DLL1: variants seen among roughly 807,000 people sequenced by gnomAD.
The protein encoded by DLL1 is delta like canonical Notch ligand 1.
In DLL1, 9 loss-of-function variants were observed where a neutral mutation model predicts 75.1. The observed-to-expected ratio is 0.12, with a 90% confidence interval of 0.07 to 0.21. DLL1 has a LOEUF of 0.21. Ranked by LOEUF, DLL1 falls within the 10% of genes least tolerant of loss-of-function variation. The pLI, the probability that DLL1 is intolerant of heterozygous loss-of-function variation, is 1.00. For missense variants in DLL1, 837 were observed against 1,007.6 expected, an observed-to-expected ratio of 0.83 and a Z score of 2.29; for synonymous variants, 477 against 418.3, an observed-to-expected ratio of 1.14 and a Z score of -1.71.
Position 170,288,568 on chromosome 6 carries a change from C to G in DLL1, c.413-72G>C, listed in dbSNP as rs1783760249. The stretch of plus-strand genomic sequence containing the variant: ...GACTCGGGACAGAGCGGGGGTGGGC[C>G]GAGACATTCAGCACGGGAAGGAGGC... On this transcript the variant is annotated intron_variant, in intron 3 of 10. Coordinates refer to ENST00000366756, the MANE Select transcript of DLL1 (RefSeq NM_005618.4). The G allele has an allele frequency of 2.5e-6, 4 of 1,613,486 alleles. No individual in the cohort carries two copies. The South Asian group carries it at 4.4e-5, about 18-fold the overall frequency.
rs538503998 is a variant in DLL1 at position 170,289,255 on chromosome 6, G to A, written c.351+257C>T. 8.1e-4 allele frequency: 557 copies of A among 688,708 alleles called. 1 individual carries two copies. Among genetic ancestry groups the A allele is most frequent in the Non-Finnish European group, 1.2e-3 (444 of 384,906 alleles). 42.7% of individuals were successfully genotyped at this position (688,708 alleles called of 1,614,324 possible). The stretch of plus-strand genomic sequence containing the variant: ...GAGACCTGGCACAGAGGCCGGATAC[G>A]GAAATCTCCCGGGCGCGCTCGGCCT... On this transcript the variant is annotated intron_variant, in intron 2 of 10. Coordinates refer to ENST00000366756, the MANE Select transcript of DLL1 (RefSeq NM_005618.4).
chr6:170,286,551 C>G (rs1415744991), intron 4 of DLL1, among the ~76,000 whole-genome samples: 3 of 149,326 alleles, frequency 2.0e-5, no homozygotes, highest in African/African-American at 7.3e-5. Context: ...CCCACCCTAT[C>G]CCCTTTTCTT....
At position 170,283,763 on chromosome 6, in the gene DLL1, C is replaced by T. The variant is rs17860716; in HGVS notation, c.1516G>A (p.Glu506Lys). Residue 506 changes from glutamate (E) to lysine (K), a missense_variant, in exon 9 of 11, where the codon GAG (glutamate) becomes AAG (lysine). Coordinates refer to ENST00000366756, the MANE Select transcript of DLL1 (RefSeq NM_005618.4). ...GGACCCCCGTAGCCTCGGGCACACT[C>T]GCACACATAGCGGTGGCCCCTCTCG... ...CHERGHRYVC[E>K]CARGYGGPNC... 1,424 of 1,585,032 alleles carry T rather than the reference C, an allele frequency of 9.0e-4. No individual in the cohort carries two copies. The highest frequency in any genetic ancestry group is 1.2e-3 in the Non-Finnish European group (1,368 of 1,167,694).
At position 170,290,150 on chromosome 6, in the gene DLL1, T is replaced by C. The variant is rs1342453324; in HGVS notation, c.-11A>G. Reference sequence around the variant, plus strand: ...GCACCGACTGCCCATGCTGCTTCGCTCCACGCGCGAGCCTGGGGGGCCCCC... The same window carrying C: ...GCACCGACTGCCCATGCTGCTTCGCCCCACGCGCGAGCCTGGGGGGCCCCC... On this transcript the variant is annotated 5_prime_UTR_variant, in exon 1 of 11. Coordinates refer to ENST00000366756, the MANE Select transcript of DLL1 (RefSeq NM_005618.4). This position sits in a 1 kb window ranked among gnomAD's most constrained non-coding sequence, Gnocchi z 4.7. 1.9e-6 allele frequency: 3 copies of C among 1,592,808 alleles called. No homozygotes were observed. Among genetic ancestry groups the C allele is most frequent in the Non-Finnish European group, 2.5e-6 (3 of 1,177,512 alleles).
chr6:170,283,686 G>A lies in DLL1; in HGVS notation c.1593C>T (p.Asp531=). 6.4e-7 allele frequency: 1 copy of A among 1,564,832 alleles called. No homozygotes were observed. The highest frequency in any genetic ancestry group is 8.7e-7 in the Non-Finnish European group (1 of 1,155,262). ...CCTGGCCCTCTAGCTTCTCAGTGAG[G>A]TCCACCACCGCTGGGCCCGGGGGCA... ...PELPPGPAVV[D]LTEKLEGQGG... The change falls in exon 9 of 11, where the codon GAC becomes GAT. Residue 531 remains aspartate (D), a synonymous_variant. Coordinates refer to ENST00000366756, the MANE Select transcript of DLL1 (RefSeq NM_005618.4).
chr6:170,285,830 T>G (rs913643390), intron 5 of DLL1, 131 bp from the exon 6 acceptor site: 4 of 1,362,834 alleles, frequency 2.9e-6, no homozygotes, highest in Non-Finnish European at 4.1e-6. Flanking sequence ...GAACACTGGG[T>G]CACCTTGGGA....
chr6:170,289,344 G>A lies in DLL1; in HGVS notation c.351+168C>T, dbSNP rs772354619. 3.5e-6 allele frequency: 4 copies of A among 1,143,850 alleles called. No individual in the cohort carries two copies. In the Middle Eastern group the frequency reaches 7.3e-4, roughly 209 times the overall value. 70.9% of individuals were successfully genotyped at this position (1,143,850 alleles called of 1,614,324 possible). ...CGGGGCCCCGGGGCGAGGTGTCCGC[G>A]CTGCTGGGCTGGAGTCCTGGGGCCG... is the stretch of plus-strand genomic sequence containing the variant. On this transcript the variant is annotated intron_variant, in intron 2 of 10. Transcript: ENST00000366756.
At position 170,285,334 on chromosome 6, in the gene DLL1, G is replaced by T; in HGVS notation, c.952C>A (p.Pro318Thr). The change falls in exon 7 of 11, where the codon CCT becomes ACT. Residue 318 changes from proline to threonine, a missense_variant. By Grantham distance (38) the Pro-to-Thr change is conservative (BLOSUM62 -1). Transcript: ENST00000366756. The stretch of plus-strand genomic sequence containing the variant: ...TCGCAGGTGGCACCTGTGTACCCAG[G>T]CCGGCAAGAGCAAGTGTAGCTCCCC... ...GQGSYTCSCR[P>T]GYTGATCELG... 2 of 1,614,180 alleles carry T rather than the reference G, an allele frequency of 1.2e-6. No individual in the cohort carries two copies. Among genetic ancestry groups the T allele is most frequent in the Non-Finnish European group, 1.7e-6 (2 of 1,180,016 alleles).
intron 5 of DLL1, 41 bp downstream of exon 5, chr6:170,286,197 G>A: frequency 6.2e-7 from 1 of 1,613,354 alleles, no homozygotes; most frequent in South Asian, 1.1e-5. Flanking sequence ...AAGATAACAA[G>A]AAAAGGCAAC....
chr6:170,286,612 C>G (rs1412959619), intron 4 of DLL1, among the ~76,000 whole-genome samples: 4 of 150,518 alleles, frequency 2.7e-5, no homozygotes, highest in Non-Finnish European at 5.9e-5. Flanking sequence ...CTTCCCAATT[C>G]TGTGCACAAA....
intron 8 of DLL1, among the ~76,000 whole-genome samples, chr6:170,284,568 G>T (rs1354624768): frequency 6.6e-6 from 1 of 152,166 alleles, no homozygotes; most frequent in Non-Finnish European, 1.5e-5. Flanking sequence ...CAACTACTGT[G>T]CTGGGTGGCC....
rs1783672837 is a variant in DLL1, at chr6:170,285,285, G to A, written c.1001C>T (p.Pro334Leu). Residue 334 changes from proline to leucine, a missense_variant, in exon 7 of 11, where the codon CCC becomes CTC. Transcript: ENST00000366756. ...TCELGIDECD[P>L]SPCKNGGSCT... ...GCTCCCTCCGTTCTTACAAGGGCTG[G>A]GGTCACACTCGTCAATCCCCAGCTC... 1 of 1,614,150 alleles carries A rather than the reference G, an allele frequency of 6.2e-7. No individual in the cohort carries two copies. The highest frequency in any genetic ancestry group is 8.5e-7 in the Non-Finnish European group (1 of 1,180,032).
rs754306571 is a variant in DLL1 at position 170,283,705 on chromosome 6, G to A, written c.1574C>T (p.Pro525Leu). 83 of 1,553,530 alleles carry A rather than the reference G, an allele frequency of 5.3e-5. No individual in the cohort carries two copies. Among genetic ancestry groups the A allele is most frequent in the East Asian group, 1.9e-4 (8 of 42,274 alleles). The stretch of plus-strand genomic sequence containing the variant: ...AGTGAGGTCCACCACCGCTGGGCCC[G>A]GGGGCAGCTCGGGGAGCAGGAACTG... ...NCQFLLPELP[P>L]GPAVVDLTEK... Residue 525 changes from proline to leucine, a missense_variant, in exon 9 of 11, where the codon CCG becomes CTG. Physicochemically the swap from Pro to Leu is moderately conservative, Grantham distance 98. This residue lies in a region of DLL1 where 533 missense variants were observed against 545.7 expected (regional missense o/e 0.98). Coordinates refer to ENST00000366756, the MANE Select transcript of DLL1 (RefSeq NM_005618.4).
chr6:170,284,081 A>C (rs947189487), intron 8 of DLL1, 52 bp from the exon 9 acceptor site: 11 of 1,533,716 alleles, frequency 7.2e-6, no homozygotes, highest in Middle Eastern at 4.6e-4. Flanking sequence ...TTTGTTCACC[A>C]AAAAGTCACT....
rs1783800176 is a variant in DLL1, at chr6:170,289,528, A to T, written c.335T>A (p.Phe112Tyr). Residue 112 changes from phenylalanine to tyrosine, a missense_variant, in exon 2 of 11, where the codon TTC becomes TAC. Physicochemically the swap from Phe to Tyr is conservative, Grantham distance 22. Around this residue, in one of 2 missense-constraint regions of DLL1, gnomAD observed 304 missense variants for 461.9 expected, o/e 0.66. Coordinates refer to ENST00000366756, the MANE Select transcript of DLL1 (RefSeq NM_005618.4). ...SAFSNPIRFPFGFTWPGTFSL... is the reference protein window; with the variant it reads ...SAFSNPIRFPYGFTWPGTFSL... ...GGCACTCACCGGCCAGGTGAAGCCG[A>T]AGGGGAAGCGGATGGGGTTGCTGAA... 1 of 1,534,634 alleles carries T rather than the reference A, an allele frequency of 6.5e-7. No individual in the cohort carries two copies. Among genetic ancestry groups the T allele is most frequent in the Non-Finnish European group, 8.7e-7 (1 of 1,146,322 alleles).
chr6:170,284,823 A>G, intron 8 of DLL1, 96 bp downstream of exon 8: 1 of 1,267,382 alleles, frequency 7.9e-7, no homozygotes, highest in Non-Finnish European at 1.2e-6. Flanking sequence ...AAAGTGATTC[A>G]TAAACTCGAG....
Position 170,283,002 on chromosome 6 carries a change from C to T in DLL1, c.2152G>A (p.Val718Ile), listed in dbSNP as rs778087366. Reference protein sequence around the residue: ...YVISEEKDECVIATEV With the variant: ...YVISEEKDECIIATEV ...CCTGCACTGACCTCAGTTGCTATGA[C>T]GCACTCATCCTTCTCCTCGGATATG... The change falls in exon 10 of 11, where the codon GTC becomes ATC. Residue 718 changes from valine to isoleucine, a missense_variant. By Grantham distance (29) the Val-to-Ile change is conservative. Around this residue, in one of 2 missense-constraint regions of DLL1, gnomAD observed 533 missense variants for 545.7 expected, o/e 0.98. Coordinates refer to ENST00000366756, the MANE Select transcript of DLL1 (RefSeq NM_005618.4). 2.2e-5 allele frequency: 35 copies of T among 1,614,052 alleles called. No homozygotes were observed. The highest frequency in any genetic ancestry group is 8.9e-5 in the East Asian group (4 of 44,888).
chr6:170,289,458 C>T, intron 2 of DLL1, 54 bp downstream of exon 2: 1 of 1,523,598 alleles, frequency 6.6e-7, no homozygotes, highest in East Asian at 2.5e-5. Flanking sequence ...CCAGCGCGTC[C>T]TGCAGCCCGC....
rs554904280 is a variant in DLL1 at position 170,286,145 on chromosome 6, A to G, written c.731+93T>C. On this transcript the variant is annotated intron_variant, in intron 5 of 10. Coordinates refer to ENST00000366756, the MANE Select transcript of DLL1 (RefSeq NM_005618.4). ...AATCAATCTTACTGGAGTTTTTCGA[A>G]TGATCACCTAGGGCTGTTTTTACAA... 7.2e-6 allele frequency: 11 copies of G among 1,518,628 alleles called. No individual in the cohort carries two copies. The East Asian group carries it at 2.5e-4, about 34-fold the overall frequency. The allele number at this position is 1,518,628 out of a possible 1,614,324, so 94.1% of individuals were successfully genotyped here. A position where few individuals can be genotyped will look rare whatever the true frequency, so the allele number is the denominator to read the frequency against.
Sources: allele counts gnomAD v4.1 joint callset (sites outside exome capture counted in the v4.1 genomes callset), GRCh38; gene constraint gnomAD v4.1.1; regional missense constraint gnomAD v4.1.1; non-coding constraint Gnocchi (gnomAD v3.1); transcripts MANE v1.5; gene names NCBI Gene and HGNC (gene_info 2026-07-23, HGNC 2026-07-21).